HEBP2: variants seen among roughly 807,000 people sequenced by gnomAD.
HEBP2 encodes the protein heme-binding protein 2.
HEBP2 carries 27 observed loss-of-function variants against 23.1 expected under a neutral mutation model. The observed-to-expected ratio is 1.17, with a 90% CI of 0.86 to 1.61. HEBP2 has a LOEUF of 1.61. Among genes scored for constraint, HEBP2 ranks in the 40% most tolerant of loss-of-function variants. The probability of loss-of-function intolerance (pLI) is 0.00; values close to 1 mark genes in which losing one functional copy is unlikely to be tolerated. For synonymous variants in HEBP2, 99 were observed against 95.1 expected, an observed-to-expected ratio of 1.04 and a Z score of -0.24; for missense variants, 245 against 253.8, an observed-to-expected ratio of 0.97 and a Z score of 0.24.
chr6:138,417,747 C>CCCA lies in HEBP2; in HGVS notation c.*4670_*4671insCAC. 6.6e-6 allele frequency: 1 copy of CCCA among 152,182 alleles called. No individual in the cohort carries two copies. The highest frequency in any genetic ancestry group is 1.5e-5 in the Non-Finnish European group (1 of 68,028). The allele number at this position is 152,182 out of a possible 1,614,324, so 9.4% of individuals were successfully genotyped here. ...AGATCTGCAGTGGGTCCCCTGGAGT[C>CCCA]CTTGGTTGAGTGAAGGTGTTAGAAG... On this transcript the variant is annotated 3_prime_UTR_variant, in exon 4 of 4. Transcript: ENST00000607197.
chr6:138,417,873 A>C lies in HEBP2; in HGVS notation c.*4795A>C, dbSNP rs1334267748. The stretch of plus-strand genomic sequence containing the variant: ...AAAAGTTTGTGTTTCCACTAGCCAG[A>C]GTAGAAATAACTCATAATGCATGGG... On this transcript the variant is annotated 3_prime_UTR_variant, in exon 4 of 4. Transcript: ENST00000607197. 1 of 152,202 alleles carries C rather than the reference A, an allele frequency of 6.6e-6. No homozygotes were observed. The highest frequency in any genetic ancestry group is 6.5e-5 in the Admixed American group (1 of 15,288). 9.4% of individuals were successfully genotyped at this position (152,202 alleles called of 1,614,324 possible).
In HEBP2 at chr6:138,409,070, A is replaced by G. The variant is rs142670537; in HGVS notation, c.419+2919A>G. On this transcript the variant is annotated intron_variant, in intron 3 of 3. Transcript: ENST00000607197. ...GAGACAGGGTCTCGCTCTGTTGTCC[A>G]GGCTGGAGTACAGTGGCATGATCAT... Among the ~76,000 whole-genome samples, 371 of 151,276 alleles carry G rather than the reference A, an allele frequency of 2.5e-3. 8 individuals carry two copies. Among genetic ancestry groups the G allele is most frequent in the Admixed American group, 0.022 (334 of 15,168 alleles).
At chr6:138,408,604 T>C (rs1235682374) in intron 3 of HEBP2, among the ~76,000 whole-genome samples, 1 of 152,178 alleles carries the variant, frequency 6.6e-6, no homozygotes, top group African/African-American at 2.4e-5. Flanking sequence ...GTGGTTACTG[T>C]CCTCTCCCAC....
chr6:138,412,368 G>C (rs1353517778), intron 3 of HEBP2: 1 of 228,586 alleles, frequency 4.4e-6, no homozygotes, highest in East Asian at 1.5e-4. Context: ...ATCCTCCTGG[G>C]TTTCCTCAGT....
In HEBP2 at chr6:138,421,860, T is replaced by C. The variant is rs1188390628; in HGVS notation, c.*8782T>C. 6.6e-6 allele frequency: 1 copy of C among 152,244 alleles called. No homozygotes were observed. Among genetic ancestry groups the C allele is most frequent in the Non-Finnish European group, 1.5e-5 (1 of 68,044 alleles). 9.4% of individuals were successfully genotyped at this position (152,244 alleles called of 1,614,324 possible). ...TTGTTTTTCCACGTGCCCTTGTAGA[T>C]GGTGCCATCCAGTGTCTGTGATGTT... On this transcript the variant is annotated 3_prime_UTR_variant, in exon 4 of 4. Coordinates refer to ENST00000607197, the MANE Select transcript of HEBP2 (RefSeq NM_014320.3).
In HEBP2 at chr6:138,418,131, A is replaced by C. The variant is rs1398433209; in HGVS notation, c.*5053A>C. 3 of 152,276 alleles carry C rather than the reference A, an allele frequency of 2.0e-5. No homozygotes were observed. Among genetic ancestry groups the C allele is most frequent in the African/African-American group, 7.2e-5 (3 of 41,470 alleles). 9.4% of individuals were successfully genotyped at this position (152,276 alleles called of 1,614,324 possible). Reference sequence around the variant, plus strand: ...CACTCATAATTACCAACATTCAGTAAAAAATTACTGGAAACAGAGAAATAT... The same window carrying C: ...CACTCATAATTACCAACATTCAGTACAAAATTACTGGAAACAGAGAAATAT... On this transcript the variant is annotated 3_prime_UTR_variant, in exon 4 of 4. Transcript: ENST00000607197.
Position 138,417,514 on chromosome 6 carries a change from A to C in HEBP2, c.*4436A>C, listed in dbSNP as rs1774858847. 6.6e-6 allele frequency: 1 copy of C among 152,252 alleles called. No individual in the cohort carries two copies. Among genetic ancestry groups the C allele is most frequent in the Non-Finnish European group, 1.5e-5 (1 of 68,046 alleles). The allele number at this position is 152,252 out of a possible 1,614,324, so 9.4% of individuals were successfully genotyped here. ...TGAAAGTTCATAGTACAGGACTGTGATCTCTGCGAGAAGGGGGAATAATGA... is the reference window on the plus strand; with the variant it reads ...TGAAAGTTCATAGTACAGGACTGTGCTCTCTGCGAGAAGGGGGAATAATGA... On this transcript the variant is annotated 3_prime_UTR_variant, in exon 4 of 4. Transcript: ENST00000607197.
Position 138,406,090 on chromosome 6 carries a change from C to T in HEBP2, c.358C>T (p.Pro120Ser). The T allele has an allele frequency of 1.9e-6, 3 of 1,614,112 alleles. No individual in the cohort carries two copies. The highest frequency in any genetic ancestry group is 2.5e-6 in the Non-Finnish European group (3 of 1,179,976). Residue 120 changes from proline to serine, a missense_variant, in exon 3 of 4, where the codon CCC becomes TCC. By Grantham distance (74) the Pro-to-Ser change is moderately conservative. Transcript: ENST00000607197. ...YIPSEQQFDP[P>S]RPLESDVFIE... The stretch of plus-strand genomic sequence containing the variant: ...TCCCTCTGAACAGCAATTTGATCCA[C>T]CCAGGCCTTTAGAGTCAGATGTCTT...
At position 138,417,541 on chromosome 6, in the gene HEBP2, G is replaced by A. The variant is rs995579643; in HGVS notation, c.*4463G>A. 13 of 152,308 alleles carry A rather than the reference G, an allele frequency of 8.5e-5. No individual in the cohort carries two copies. Among genetic ancestry groups the A allele is most frequent in the African/African-American group, 1.9e-4 (8 of 41,446 alleles). 9.4% of individuals were successfully genotyped at this position (152,308 alleles called of 1,614,324 possible). On this transcript the variant is annotated 3_prime_UTR_variant, in exon 4 of 4. Coordinates refer to ENST00000607197, the MANE Select transcript of HEBP2 (RefSeq NM_014320.3). ...CTCTGCGAGAAGGGGGAATAATGAG[G>A]TGAGTCCAGTGATTGCTCAGGCGAA...
chr6:138,408,111 GT>G (rs1363703663), intron 3 of HEBP2, among the ~76,000 whole-genome samples: 1 of 152,218 alleles, frequency 6.6e-6, no homozygotes, highest in Non-Finnish European at 1.5e-5. Context: ...CCTGGTTTCT[GT>G]TTAGATGGCA....
chr6:138,405,894 C>G (rs776256317), intron 2 of HEBP2, 77 bp from the exon 3 acceptor site: 47 of 1,175,102 alleles, frequency 4.0e-5, no homozygotes, highest in Non-Finnish European at 5.1e-5. Context: ...ATCAAGGAAC[C>G]CAGATCAAAA....
rs1774942683 is a variant in HEBP2 at position 138,421,817 on chromosome 6, A to T, written c.*8739A>T. On this transcript the variant is annotated 3_prime_UTR_variant, in exon 4 of 4. Transcript: ENST00000607197. ...TTATTCGTATTTTATTCCAAAGTCC[A>T]TAGGACACGATGTGGACTTGTTTTT... The T allele has an allele frequency of 6.6e-6, 1 of 152,200 alleles. No individual in the cohort carries two copies. The highest frequency in any genetic ancestry group is 2.4e-5 in the African/African-American group (1 of 41,444). The allele number at this position is 152,200 out of a possible 1,614,324, so 9.4% of individuals were successfully genotyped here. A position where few individuals can be genotyped will look rare whatever the true frequency, so the allele number is the denominator to read the frequency against.
chr6:138,404,037 G>A (rs987493343), upstream of HEBP2, among the ~76,000 whole-genome samples: 1 of 151,866 alleles, frequency 6.6e-6, no homozygotes, highest in African/African-American at 2.4e-5. Context: ...CACCCTCGAG[G>A]CGGCTCAGCG....
chr6:138,404,059 C>T (rs1289652280), upstream of HEBP2, among the ~76,000 whole-genome samples: 1 of 151,928 alleles, frequency 6.6e-6, no homozygotes, highest in Non-Finnish European at 1.5e-5. Flanking sequence ...CCGCGGTTCC[C>T]AGCGCGGGCG....
intron 3 of HEBP2, among the ~76,000 whole-genome samples, 199 bp from the exon 4 acceptor site, chr6:138,412,680 CT>C (rs1010798066): frequency 5.3e-4 from 80 of 152,156 alleles, no homozygotes; most frequent in Admixed American, 3.3e-3. Context: ...TCTTGAACTC[CT>C]GACCTCAAGT....
At chr6:138,405,041 A>G (rs1774616265) in intron 1 of HEBP2, 104 bp from the exon 2 acceptor site, 5 of 1,292,826 alleles carry the variant, frequency 3.9e-6, no homozygotes, top group Non-Finnish European at 5.4e-6. Context: ...CAGCCCCTAG[A>G]CAGGACGGCT....
Position 138,404,433 on chromosome 6 carries a change from G to A in HEBP2, c.-63G>A, listed in dbSNP as rs1774597119. 1.8e-6 allele frequency: 2 copies of A among 1,100,786 alleles called. No individual in the cohort carries two copies. The highest frequency in any genetic ancestry group is 2.3e-6 in the Non-Finnish European group (2 of 874,470). 68.2% of individuals were successfully genotyped at this position (1,100,786 alleles called of 1,614,324 possible). ...TCGGCGGGGCGCGCACACGCAGGCG[G>A]GGCGGCCCGGGGTGCGGGGCCTCTG... is the stretch of plus-strand genomic sequence containing the variant. On this transcript the variant is annotated 5_prime_UTR_variant, in exon 1 of 4. Coordinates refer to ENST00000607197, the MANE Select transcript of HEBP2 (RefSeq NM_014320.3).
Position 138,406,133 on chromosome 6 carries a change from A to T in HEBP2, c.401A>T (p.Glu134Val). The T allele has an allele frequency of 6.2e-7, 1 of 1,614,008 alleles. No individual in the cohort carries two copies. The highest frequency in any genetic ancestry group is 8.5e-7 in the Non-Finnish European group (1 of 1,179,970). Residue 134 changes from glutamate (E) to valine (V), a missense_variant, in exon 3 of 4, where the codon GAA (glutamate) becomes GTA (valine). By Grantham distance (121) the Glu-to-Val change is moderately radical. Coordinates refer to ENST00000607197, the MANE Select transcript of HEBP2 (RefSeq NM_014320.3). ...GATGTCTTCATTGAAGATAGAGCCG[A>T]AATGACTGTGTTTGTACGGTAAGTG... ...ESDVFIEDRA[E>V]MTVFVRSFDG...
At chr6:138,406,695 G>T (rs1011090923) in intron 3 of HEBP2, among the ~76,000 whole-genome samples, 2 of 152,180 alleles carry the variant, frequency 1.3e-5, no homozygotes, top group Non-Finnish European at 2.9e-5. Flanking sequence ...CTACCCTCAT[G>T]ACCTAATCAC....
Sources: allele counts gnomAD v4.1 joint callset (sites outside exome capture counted in the v4.1 genomes callset), GRCh38; gene constraint gnomAD v4.1.1; transcripts MANE v1.5; gene names NCBI Gene and HGNC (gene_info 2026-07-23, HGNC 2026-07-21).